The following DLC1 variants were observed in gnomAD, a reference collection of about 807,000 sequenced individuals.
The protein encoded by DLC1 is DLC1 Rho GTPase activating protein.
DLC1 carries 54 observed loss-of-function variants against 140.3 expected under a neutral mutation model. The ratio of observed to expected loss-of-function variants is 0.38; its 90% confidence interval spans 0.31 to 0.48. DLC1 has a LOEUF of 0.48. DLC1 is among the 20% of genes least tolerant of loss of function. The pLI, the probability that DLC1 is intolerant of heterozygous loss-of-function variation, is 0.96. For missense variants in DLC1, 2,536 were observed against 1,907.0 expected (o/e 1.33, Z -6.14); for synonymous variants, 986 against 728.1 (o/e 1.35, Z -5.70).
chr8:13,281,990 G>A (rs141898373), intron 5 of DLC1, among the ~76,000 whole-genome samples: 1 of 152,110 alleles, frequency 6.6e-6, no homozygotes, highest in Non-Finnish European at 1.5e-5. Context: ...TGCTAATGAG[G>A]ATATAGACTA....
chr8:13,246,933 C>G (rs1042017567), intron 5 of DLC1, among the ~76,000 whole-genome samples: 1 of 152,098 alleles, frequency 6.6e-6, no homozygotes, highest in Non-Finnish European at 1.5e-5. Flanking sequence ...AGTGCCCCAC[C>G]TAGAAGTGAC....
At chr8:13,477,278 C>T (rs953124251) in intron 2 of DLC1, among the ~76,000 whole-genome samples, 4 of 152,090 alleles carry the variant, frequency 2.6e-5, no homozygotes, top group African/African-American at 4.8e-5. Context: ...AAGAAGACAG[C>T]GTGGAAGATG....
At chr8:13,244,224 C>T (rs959890328) in intron 5 of DLC1, among the ~76,000 whole-genome samples, 1 of 152,020 alleles carries the variant, frequency 6.6e-6, no homozygotes, top group Non-Finnish European at 1.5e-5. Context: ...TTTTAAGGAC[C>T]CTCCATTGCC....
intron 4 of DLC1, among the ~76,000 whole-genome samples, chr8:13,389,657 A>G (rs971611401): frequency 2.0e-5 from 3 of 152,128 alleles, no homozygotes; most frequent in African/African-American, 7.2e-5. Flanking sequence ...TCTGATGATG[A>G]CTCATCGGTC....
chr8:13,376,579 A>T (rs1836000912), intron 4 of DLC1, among the ~76,000 whole-genome samples: 1 of 152,210 alleles, frequency 6.6e-6, no homozygotes, highest in Non-Finnish European at 1.5e-5. Flanking sequence ...AGAGTTAGAA[A>T]TGTTAAGAAA....
intron 5 of DLC1, among the ~76,000 whole-genome samples, chr8:13,303,115 A>C (rs1832270215): frequency 6.6e-6 from 1 of 152,238 alleles, no homozygotes; most frequent in Non-Finnish European, 1.5e-5. Flanking sequence ...AAATGATCAA[A>C]TGAAATTACA....
At chr8:13,566,073 G>A (rs1022041918) in intron 1 of DLC1, among the ~76,000 whole-genome samples, 2 of 152,032 alleles carry the variant, frequency 1.3e-5, no homozygotes, top group African/African-American at 4.8e-5. Context: ...CTGATTGCTG[G>A]GCTCATACTA....
intron 2 of DLC1, among the ~76,000 whole-genome samples, chr8:13,472,189 A>G (rs1176649519): frequency 6.6e-6 from 1 of 152,154 alleles, no homozygotes; most frequent in Non-Finnish European, 1.5e-5. Context: ...TTCCCAGGGA[A>G]TGGTTGAGAG....
chr8:13,430,081 T>G (rs1838791220), intron 2 of DLC1, among the ~76,000 whole-genome samples: 2 of 152,184 alleles, frequency 1.3e-5, no homozygotes, highest in Admixed American at 1.3e-4. Flanking sequence ...ATTCAGAATC[T>G]GTGGGAATGG....
chr8:13,172,539 A>G (rs1825542657), intron 5 of DLC1, among the ~76,000 whole-genome samples: 1 of 152,254 alleles, frequency 6.6e-6, no homozygotes, highest in Admixed American at 6.5e-5. Flanking sequence ...GTTAACCGTT[A>G]TTATAATTCC....
At chr8:13,148,048 C>G (rs957574955) in intron 5 of DLC1, among the ~76,000 whole-genome samples, 2 of 152,002 alleles carry the variant, frequency 1.3e-5, no homozygotes, top group Non-Finnish European at 2.9e-5. Flanking sequence ...TTGTTGTATT[C>G]TTCCTCTCTA....
chr8:13,445,923 C>T (rs1798753444), intron 2 of DLC1, among the ~76,000 whole-genome samples: 1 of 152,048 alleles, frequency 6.6e-6, no homozygotes, highest in Non-Finnish European at 1.5e-5. Context: ...TATACTTCAT[C>T]TTTAAGGAAA....
intron 5 of DLC1, among the ~76,000 whole-genome samples, chr8:13,289,794 G>A (rs1234388352): frequency 6.6e-6 from 1 of 152,108 alleles, no homozygotes; most frequent in African/African-American, 2.4e-5. Context: ...AATGTGAGTG[G>A]CGTGACACCC....
intron 2 of DLC1, among the ~76,000 whole-genome samples, chr8:13,463,250 C>T (rs957523130): frequency 6.6e-6 from 1 of 152,004 alleles, no homozygotes. Context: ...AATATGATTA[C>T]TGAAATTTGT....
Position 13,090,297 on chromosome 8 carries a change from C to G in DLC1, c.4029G>C (p.Trp1343Cys). 1 of 1,614,146 alleles carries G rather than the reference C, an allele frequency of 6.2e-7. No homozygotes were observed. Among genetic ancestry groups the G allele is most frequent in the Non-Finnish European group, 8.5e-7 (1 of 1,180,032 alleles). Residue 1343 changes from tryptophan (W) to cysteine (C), a missense_variant, in exon 15 of 18, where the codon TGG becomes TGC. Physicochemically the swap from Trp to Cys is radical, Grantham distance 215. Coordinates refer to ENST00000276297, the MANE Select transcript of DLC1 (RefSeq NM_182643.3). ...FKEVKEKFKG[W>C]VSYSTSEQAE... ...CCTGCTCCGAAGTGGAGTAGCTGAC[C>G]CAGCCTTTAAACTTCTCTTTGACTT...
At chr8:13,087,304 A>AG (rs1289359408) in intron 16 of DLC1, among the ~76,000 whole-genome samples, 2 of 152,164 alleles carry the variant, frequency 1.3e-5, no homozygotes, top group Admixed American at 6.5e-5. Flanking sequence ...TGGGAGGCTG[A>AG]GGGGGGAGGA....
chr8:13,593,880 A>T (rs771426810), intron 1 of DLC1, among the ~76,000 whole-genome samples: 7 of 152,150 alleles, frequency 4.6e-5, no homozygotes, highest in Non-Finnish European at 8.8e-5. Context: ...ATTGTTGAAC[A>T]TCAAGGTAAA....
chr8:13,373,223 C>G (rs1835807541), intron 4 of DLC1, among the ~76,000 whole-genome samples: 1 of 152,118 alleles, frequency 6.6e-6, no homozygotes, highest in Non-Finnish European at 1.5e-5. Flanking sequence ...AATTATGAAT[C>G]TTTTTCTTAA....
chr8:13,151,181 A>C (rs1441476542), intron 5 of DLC1, among the ~76,000 whole-genome samples: 2 of 152,174 alleles, frequency 1.3e-5, no homozygotes, highest in Admixed American at 6.5e-5. Context: ...CATAAAACAT[A>C]TGATGTTTAC....
Sources: allele counts gnomAD v4.1 joint callset (sites outside exome capture counted in the v4.1 genomes callset), GRCh38; gene constraint gnomAD v4.1.1; transcripts MANE v1.5; gene names NCBI Gene and HGNC (gene_info 2026-07-23, HGNC 2026-07-21).